Variants in CNTNAP4 observed in about 807,000 individuals in gnomAD.
CNTNAP4 encodes contactin associated protein family member 4.
CNTNAP4 carries 98 observed loss-of-function variants against 148.4 expected under a neutral mutation model. The observed-to-expected ratio is 0.66, with a 90% CI of 0.56 to 0.78. The LOEUF (loss-of-function observed/expected upper bound fraction) is 0.78. Among genes scored for constraint, CNTNAP4 ranks in the 30% least tolerant of loss-of-function variants. The pLI is 0.00. For synonymous variants in CNTNAP4, 730 were observed against 565.1 expected, an observed-to-expected ratio of 1.29 and a Z score of -4.14; for missense variants, 1,935 against 1,565.6, an observed-to-expected ratio of 1.24 and a Z score of -3.98.
chr16:76,332,473 A>G (rs1038151255), intron 2 of CNTNAP4, among the ~76,000 whole-genome samples: 2 of 152,124 alleles, frequency 1.3e-5, no homozygotes, highest in African/African-American at 4.8e-5. Flanking sequence ...CATGTTGCCT[A>G]GGCTGGTCTT....
intron 11 of CNTNAP4, among the ~76,000 whole-genome samples, chr16:76,478,418 C>T (rs1246459171): frequency 6.6e-6 from 1 of 152,186 alleles, no homozygotes; most frequent in Admixed American, 6.5e-5. Flanking sequence ...ATAAAACTGT[C>T]ACACTGTGGA....
At chr16:76,312,634 A>G (rs976828913) in intron 1 of CNTNAP4, among the ~76,000 whole-genome samples, 4 of 152,290 alleles carry the variant, frequency 2.6e-5, no homozygotes, top group South Asian at 2.1e-4. Context: ...GAATTTGTTC[A>G]TGCTATTATG....
chr16:76,470,849 C>T (rs933589783), intron 10 of CNTNAP4, among the ~76,000 whole-genome samples: 1 of 152,116 alleles, frequency 6.6e-6, no homozygotes, highest in Non-Finnish European at 1.5e-5. Context: ...ACACACTCTA[C>T]ACACATGCAC....
intron 4 of CNTNAP4, among the ~76,000 whole-genome samples, chr16:76,438,822 T>C (rs1262448394): frequency 6.6e-6 from 1 of 152,174 alleles, no homozygotes; most frequent in Non-Finnish European, 1.5e-5. Flanking sequence ...AGAGATATTG[T>C]TTCTGAACAC....
chr16:76,339,943 T>TA (rs1311348666), intron 2 of CNTNAP4, among the ~76,000 whole-genome samples: 1 of 152,220 alleles, frequency 6.6e-6, no homozygotes, highest in Non-Finnish European at 1.5e-5. Context: ...GTTGATATTT[T>TA]AACTGCAGCT....
At chr16:76,324,876 C>T (rs528786589) in intron 2 of CNTNAP4, among the ~76,000 whole-genome samples, 1 of 152,168 alleles carries the variant, frequency 6.6e-6, no homozygotes, top group Non-Finnish European at 1.5e-5. Flanking sequence ...AACCTAATTA[C>T]CTCCCAAAGG....
Position 76,540,671 on chromosome 16 carries a change from G to T in CNTNAP4, c.3355-32G>T, listed in dbSNP as rs774372866. The T allele has an allele frequency of 9.6e-6, 14 of 1,452,190 alleles. No homozygotes were observed. In the Admixed American group the frequency reaches 2.6e-4, roughly 27 times the overall value. The allele number at this position is 1,452,190 out of a possible 1,614,324, so 90.0% of individuals were successfully genotyped here. On this transcript the variant is annotated intron_variant, in intron 20 of 23. Coordinates refer to ENST00000611870, the MANE Select transcript of CNTNAP4 (RefSeq NM_033401.5). ...CTTCTCAACAAAACGTCATCCATTTGGATGTTTTTATCTTGTGTAATAATT... is the reference window on the plus strand; with the variant it reads ...CTTCTCAACAAAACGTCATCCATTTTGATGTTTTTATCTTGTGTAATAATT...
intron 3 of CNTNAP4, among the ~76,000 whole-genome samples, chr16:76,366,354 G>T (rs1181290561): frequency 6.6e-6 from 1 of 152,024 alleles, no homozygotes; most frequent in Non-Finnish European, 1.5e-5. Flanking sequence ...TCATCATTTA[G>T]CTCCCACTTA....
At position 76,423,936 on chromosome 16, in the gene CNTNAP4, A is replaced by T. The variant is rs528975689; in HGVS notation, c.391-3516A>T. Among the ~76,000 whole-genome samples the T allele has an allele frequency of 8.1e-4, 123 of 152,246 alleles. 1 individual carries two copies. Among genetic ancestry groups the T allele is most frequent in the African/African-American group, 2.8e-3 (118 of 41,552 alleles). ...TGTGTGTCTCCATTATTTTATTATT[A>T]TAAAATTAATACATGCCCATTAAAA... On this transcript the variant is annotated intron_variant, in intron 3 of 23. Coordinates refer to ENST00000611870, the MANE Select transcript of CNTNAP4 (RefSeq NM_033401.5).
intron 6 of CNTNAP4, among the ~76,000 whole-genome samples, chr16:76,449,418 A>G (rs1294131007): frequency 1.3e-5 from 2 of 152,214 alleles, no homozygotes; most frequent in Non-Finnish European, 2.9e-5. Context: ...ATAAAATATT[A>G]TAATTGGTTA....
intron 8 of CNTNAP4, among the ~76,000 whole-genome samples, chr16:76,455,173 C>A (rs961844202): frequency 6.6e-6 from 1 of 152,070 alleles, no homozygotes; most frequent in Non-Finnish European, 1.5e-5. Flanking sequence ...TAGTCGTTGC[C>A]ACCTTTATAA....
intron 3 of CNTNAP4, among the ~76,000 whole-genome samples, chr16:76,366,536 G>A (rs937355126): frequency 6.6e-6 from 1 of 152,078 alleles, no homozygotes; most frequent in East Asian, 1.9e-4. Context: ...GTCTTTCATT[G>A]ATGGGCATTT....
chr16:76,361,630 G>A (rs183945117), intron 3 of CNTNAP4, among the ~76,000 whole-genome samples: 10 of 152,298 alleles, frequency 6.6e-5, no homozygotes, highest in Admixed American at 6.5e-4. Context: ...TGAGGGTGCA[G>A]ATGTCTCTTT....
chr16:76,524,728 C>T (rs1263650439), intron 17 of CNTNAP4, among the ~76,000 whole-genome samples: 1 of 152,006 alleles, frequency 6.6e-6, no homozygotes, highest in African/African-American at 2.4e-5. Context: ...TTTGACCTCA[C>T]TGTATGTGTT....
rs56909346 is a variant in CNTNAP4, at chr16:76,514,793, T to G, written c.2366-6347T>G. On this transcript the variant is annotated intron_variant, in intron 15 of 23. Transcript: ENST00000611870. ...ACCAGTGAATTATGAAACCAATACA[T>G]AGGTTATTGTGTTCTGATAATATAA... 5.9e-3 allele frequency among the ~76,000 whole-genome samples: 900 copies of G among 152,334 alleles called. 12 individuals are homozygous for G. Among genetic ancestry groups the G allele is most frequent in the African/African-American group, 0.021 (871 of 41,588 alleles).
At chr16:76,278,464 G>T (rs1178451306) in intron 1 of CNTNAP4, among the ~76,000 whole-genome samples, 1 of 152,152 alleles carries the variant, frequency 6.6e-6, no homozygotes, top group South Asian at 2.1e-4. Flanking sequence ...TGATGAAATA[G>T]AACCTATTTA....
rs192146332 is a variant in CNTNAP4, at chr16:76,535,768, G to T, written c.2979G>T (p.Gly993=). The T allele has an allele frequency of 8.9e-4, 1,441 of 1,613,660 alleles. 10 individuals carry two copies. The African/African-American group carries it at 0.018, about 20-fold the overall frequency. ...FCDCTFSAYT[G]PFCSNEISAY... Reference sequence around the variant, plus strand: ...ACTGCACTTTCTCTGCATACACAGGGCCATTCTGCTCAAATGGTAAGTGTG... The same window carrying T: ...ACTGCACTTTCTCTGCATACACAGGTCCATTCTGCTCAAATGGTAAGTGTG... The change falls in exon 18 of 24, where the codon GGG becomes GGT. Residue 993 remains glycine, a synonymous_variant. Transcript: ENST00000611870.
chr16:76,471,090 A>T (rs1358012680), intron 10 of CNTNAP4, among the ~76,000 whole-genome samples: 1 of 151,966 alleles, frequency 6.6e-6, no homozygotes. Context: ...GTCACTCCCT[A>T]CGCAAACACA....
At chr16:76,415,982 A>T (rs766701754) in intron 3 of CNTNAP4, among the ~76,000 whole-genome samples, 6 of 150,072 alleles carry the variant, frequency 4.0e-5, no homozygotes, top group Non-Finnish European at 7.4e-5. Context: ...TTCTTTTCTA[A>T]AATATTTCTT....
Sources: allele counts gnomAD v4.1 joint callset (sites outside exome capture counted in the v4.1 genomes callset), GRCh38; gene constraint gnomAD v4.1.1; transcripts MANE v1.5; gene names NCBI Gene and HGNC (gene_info 2026-07-23, HGNC 2026-07-21).